Variants in LYST observed in about 807,000 individuals in gnomAD.
LYST encodes lysosomal trafficking regulator.
A neutral mutation model predicts 413.6 loss-of-function variants in LYST; 192 were observed. That is an observed-to-expected ratio of 0.46 (90% CI 0.41 to 0.52). The LOEUF is 0.52. LYST is among the 20% of genes least tolerant of loss of function. The pLI, the probability that LYST is intolerant of heterozygous loss-of-function variation, is 0.00. For missense variants in LYST, 3,815 were observed against 4,499.9 expected (o/e 0.85, Z 4.35); for synonymous variants, 1,525 against 1,567.3 (o/e 0.97, Z 0.64).
At chr1:235,783,695 A>G (rs1324445760) in intron 14 of LYST, among the ~76,000 whole-genome samples, 2 of 152,190 alleles carry the variant, frequency 1.3e-5, no homozygotes, top group African/African-American at 4.8e-5. Flanking sequence ...TTAAGGGTGA[A>G]AGAAAACCTA....
In LYST at chr1:235,812,431, C is replaced by T. The variant is rs185804811; in HGVS notation, c.283+540G>A. 1.1e-4 allele frequency among the ~76,000 whole-genome samples: 17 copies of T among 150,868 alleles called. No individual in the cohort carries two copies. In the East Asian group the frequency reaches 2.4e-3, roughly 21 times the overall value. On this transcript the variant is annotated intron_variant, in intron 4 of 52. Transcript: ENST00000389793. ...CTGAGGCACAAGAATTGCTTGAACTCGGGAGGCTGAGGTTGCAGTGAGCCG... is the reference window on the plus strand; with the variant it reads ...CTGAGGCACAAGAATTGCTTGAACTTGGGAGGCTGAGGTTGCAGTGAGCCG...
At chr1:235,713,183 A>G in intron 42 of LYST, 2 of 985,350 alleles carry the variant, frequency 2.0e-6, no homozygotes, top group Non-Finnish European at 2.4e-6. Context: ...AAATCTGGGA[A>G]GAAATAAGGT....
At chr1:235,762,696 T>A in intron 22 of LYST, 24 bp downstream of exon 22, 1 of 1,608,048 alleles carries the variant, frequency 6.2e-7, no homozygotes, top group Non-Finnish European at 8.5e-7. Context: ...GAGAAGGTCA[T>A]ACTTCCATTA....
chr1:235,748,655 G>A (rs1459989579), intron 28 of LYST, among the ~76,000 whole-genome samples: 1 of 152,140 alleles, frequency 6.6e-6, no homozygotes, highest in East Asian at 1.9e-4. Flanking sequence ...TTGTTCACTG[G>A]GCAGCAGGCA....
At chr1:235,882,891 C>T (rs1459892564) in intron 1 of LYST, among the ~76,000 whole-genome samples, 2 of 152,156 alleles carry the variant, frequency 1.3e-5, no homozygotes, top group Non-Finnish European at 2.9e-5. Context: ...TACTGGCACC[C>T]GAGAATCAGA....
upstream of LYST, among the ~76,000 whole-genome samples, chr1:235,867,187 G>A (rs1490490448): frequency 6.6e-6 from 1 of 152,320 alleles, no homozygotes; most frequent in South Asian, 2.1e-4. Flanking sequence ...AGCGGTCGGG[G>A]GTCGTACCCT....
chr1:235,740,916 A>T (rs898559826), intron 31 of LYST, among the ~76,000 whole-genome samples: 2 of 152,164 alleles, frequency 1.3e-5, no homozygotes, highest in Non-Finnish European at 2.9e-5. Flanking sequence ...TACCTTTTAA[A>T]CTTTCCAACT....
intron 3 of LYST, chr1:235,827,984 A>G (rs931008478): frequency 5.2e-6 from 2 of 382,726 alleles, no homozygotes; most frequent in Non-Finnish European, 7.2e-6. Context: ...TGTTCATAAA[A>G]GAAGATATAC....
intron 47 of LYST, among the ~76,000 whole-genome samples, chr1:235,693,125 C>G (rs1660804753): frequency 6.6e-6 from 1 of 152,060 alleles, no homozygotes; most frequent in Non-Finnish European, 1.5e-5. Context: ...ACCATCCTTG[C>G]TAACACGATG....
At chr1:235,775,703 C>A (rs1013815086) in intron 17 of LYST, among the ~76,000 whole-genome samples, 5 of 151,930 alleles carry the variant, frequency 3.3e-5, no homozygotes, top group African/African-American at 7.3e-5. Context: ...AGGAAGAGAG[C>A]CAAATCCTGG....
At chr1:235,752,307 T>C in intron 26 of LYST, 136 bp from the exon 27 acceptor site, 1 of 643,838 alleles carries the variant, frequency 1.6e-6, no homozygotes. Flanking sequence ...TCATTCAGTA[T>C]TTATTCATGC....
At chr1:235,844,858 T>C (rs1311608513) in intron 1 of LYST, among the ~76,000 whole-genome samples, 1 of 152,168 alleles carries the variant, frequency 6.6e-6, no homozygotes, top group Non-Finnish European at 1.5e-5. Context: ...CTGTACAATA[T>C]TTAAGCAAGA....
rs551505705 is a variant in LYST, at chr1:235,807,249, G to A, written c.2364-477C>T. Among the ~76,000 whole-genome samples, 437 of 152,302 alleles carry A rather than the reference G, an allele frequency of 2.9e-3. 2 individuals carry two copies. The highest frequency in any genetic ancestry group is 0.01 in the African/African-American group (417 of 41,558). ...GAAGGGAAAGAATCACACTAGAGCT[G>A]AAAATCTACGGAAGGCTCAGCATCA... On this transcript the variant is annotated intron_variant, in intron 5 of 52. Coordinates refer to ENST00000389793, the MANE Select transcript of LYST (RefSeq NM_000081.4).
At chr1:235,712,730 G>A in intron 42 of LYST, 1 of 984,622 alleles carries the variant, frequency 1.0e-6, no homozygotes, top group Non-Finnish European at 1.2e-6. Flanking sequence ...TTGTTTTTTG[G>A]TGTTCTAACT....
intron 42 of LYST, among the ~76,000 whole-genome samples, chr1:235,714,149 G>C (rs1490688446): frequency 6.6e-6 from 1 of 152,106 alleles, no homozygotes; most frequent in African/African-American, 2.4e-5. Context: ...TCAGAATAGT[G>C]ACAGGCTTGG....
At chr1:235,721,431 C>CT (rs1030441985) in intron 39 of LYST, among the ~76,000 whole-genome samples, 7 of 151,906 alleles carry the variant, frequency 4.6e-5, no homozygotes, top group Non-Finnish European at 7.4e-5. Flanking sequence ...TATATAAACT[C>CT]TTTTTTAGAG....
In LYST at chr1:235,709,179, T is replaced by C. The variant is rs1440354610; in HGVS notation, c.10055A>G (p.Gln3352Arg). 2 of 1,614,164 alleles carry C rather than the reference T, an allele frequency of 1.2e-6. No homozygotes were observed. Among genetic ancestry groups the C allele is most frequent in the Non-Finnish European group, 1.7e-6 (2 of 1,180,002 alleles). The stretch of plus-strand genomic sequence containing the variant: ...CAAGTCAATCCACTGACAGATGTTC[T>C]GCGACACGTAGTCAGACTCTAGAGC... Reference protein sequence around the residue: ...RQALESDYVSQNICQWIDLVF... With the variant: ...RQALESDYVSRNICQWIDLVF... The change falls in exon 44 of 53, where the codon CAG becomes CGG. Residue 3352 changes from glutamine (Q) to arginine (R), a missense_variant. Coordinates refer to ENST00000389793, the MANE Select transcript of LYST (RefSeq NM_000081.4).
intron 14 of LYST, among the ~76,000 whole-genome samples, chr1:235,783,403 T>G (rs1202517054): frequency 6.6e-6 from 1 of 152,172 alleles, no homozygotes. Flanking sequence ...AGTTTTAAAT[T>G]TTTTATTTTA....
At chr1:235,845,992 T>C (rs1344535852) in intron 1 of LYST, among the ~76,000 whole-genome samples, 1 of 152,144 alleles carries the variant, frequency 6.6e-6, no homozygotes, top group Non-Finnish European at 1.5e-5. Flanking sequence ...CTACAGCTGA[T>C]GCTTTCTGGA....
Sources: allele counts gnomAD v4.1 joint callset (sites outside exome capture counted in the v4.1 genomes callset), GRCh38; gene constraint gnomAD v4.1.1; transcripts MANE v1.5; gene names NCBI Gene and HGNC (gene_info 2026-07-23, HGNC 2026-07-21).